ZNF273: variants seen among roughly 807,000 people sequenced by gnomAD.
The protein encoded by ZNF273 is zinc finger protein 273.
Under a neutral mutation model 14.9 loss-of-function variants are expected in ZNF273, and 11 were observed. The ratio of observed to expected loss-of-function variants is 0.74; its 90% CI spans 0.46 to 1.22. The LOEUF (loss-of-function observed/expected upper bound fraction) is 1.22, where lower values mean the gene tolerates loss of function less well. ZNF273 is among the 50% of genes most tolerant of loss of function. ZNF273 has a pLI of 0.00. For synonymous variants in ZNF273, 199 were observed against 223.9 expected (o/e 0.89, Z 0.99); for missense variants, 577 against 660.6 (o/e 0.87, Z 1.39).
chr7:64,936,298 A>C, the ZNF273 span, among the ~76,000 whole-genome samples: 7 of 152,242 alleles, frequency 4.6e-5, no homozygotes, highest in Non-Finnish European at 1.0e-4. Flanking sequence ...TTCAGTAAGT[A>C]TCTAGTCATG....
chr7:64,905,088 TGA>T (rs1241284956), intron 1 of ZNF273, among the ~76,000 whole-genome samples: 3 of 148,130 alleles, frequency 2.0e-5, no homozygotes, highest in African/African-American at 7.5e-5. Context: ...GTCGTGGGGC[TGA>T]GAGGCATCTC....
intron 3 of ZNF273, among the ~76,000 whole-genome samples, chr7:64,923,169 G>A (rs2129096204): frequency 1.3e-5 from 2 of 151,932 alleles, no homozygotes; most frequent in South Asian, 4.2e-4. Context: ...TTTTCTAGGA[G>A]TGTAACTGCA....
At position 64,928,587 on chromosome 7, in the gene ZNF273, A is replaced by G. The variant is rs1313707781; in HGVS notation, c.1259A>G (p.His420Arg). 1 of 1,613,586 alleles carries G rather than the reference A, an allele frequency of 6.2e-7. No homozygotes were observed. Among genetic ancestry groups the G allele is most frequent in the Non-Finnish European group, 8.5e-7 (1 of 1,179,844 alleles). ...AFKRSTTLTK[H>R]KRIYTKEKPY... is the part of the protein sequence containing the mutation. Reference sequence around the variant, plus strand: ...AAACGGTCCACAACTCTTACTAAACATAAGAGAATTTATACTAAAGAGAAA... The same window carrying G: ...AAACGGTCCACAACTCTTACTAAACGTAAGAGAATTTATACTAAAGAGAAA... The change falls in exon 4 of 4, where the codon CAT becomes CGT. Residue 420 changes from histidine to arginine, a missense_variant. Transcript: ENST00000476120.
downstream of ZNF273, among the ~76,000 whole-genome samples, chr7:64,884,006 A>G (rs1791433568): frequency 6.6e-6 from 1 of 152,172 alleles, no homozygotes; most frequent in African/African-American, 2.4e-5. Context: ...CTTCTATAGG[A>G]TTGCAGCATG....
At chr7:64,914,180 G>GTTTTTTTTTT (rs1793773323) in intron 1 of ZNF273, among the ~76,000 whole-genome samples, 1 of 63,072 alleles carries the variant, frequency 1.6e-5, no homozygotes, top group South Asian at 5.7e-4. Flanking sequence ...GGTAATTTTT[G>GTTTTTTTTTT]TATTTTTTTT....
chr7:64,921,695 G>A lies in ZNF273; in HGVS notation c.325+3403G>A, dbSNP rs536736089. 7.1e-5 allele frequency among the ~76,000 whole-genome samples: 9 copies of A among 127,166 alleles called. 1 individual carries two copies. The highest frequency in any genetic ancestry group is 6.1e-4 in the Admixed American group (6 of 9,870). 83.4% of individuals were successfully genotyped at this position (127,166 alleles called of 152,430 possible). On this transcript the variant is annotated intron_variant, in intron 3 of 3. Transcript: ENST00000476120. ...GGCTGGAGTACAATGGCACGATCTC[G>A]GCTCACTGCAATCTCCGCCTCCCAG...
At chr7:64,920,233 G>A (rs557140434) in intron 3 of ZNF273, among the ~76,000 whole-genome samples, 80 of 152,316 alleles carry the variant, frequency 5.3e-4, no homozygotes, top group Non-Finnish European at 9.0e-4. Flanking sequence ...TTTTTGGACA[G>A]ACTGAATCTT....
intron 3 of ZNF273, chr7:64,923,394 G>A: frequency 2.2e-6 from 1 of 454,976 alleles, no homozygotes; most frequent in South Asian, 1.6e-5. Context: ...AGGTTGGAGT[G>A]CAGTGGCGTG....
chr7:64,928,530 C>A lies in ZNF273; in HGVS notation c.1202C>A (p.Pro401His), dbSNP rs751608273. 26 of 1,613,840 alleles carry A rather than the reference C, an allele frequency of 1.6e-5. No individual in the cohort carries two copies. Among genetic ancestry groups the A allele is most frequent in the Non-Finnish European group, 2.2e-5 (26 of 1,179,904 alleles). ...AAGATAGTTCATACTGGAGAGAAAC[C>A]CTACAAATGTGAAGAATGTGGTAAA... is the stretch of plus-strand genomic sequence containing the variant. ...RHKIVHTGEK[P>H]YKCEECGKAF... Residue 401 changes from proline (P) to histidine (H), a missense_variant, in exon 4 of 4, where the codon CCC (proline) becomes CAC (histidine). Pro to His is a moderately conservative substitution (Grantham distance 77). Around this residue, in one of 3 missense-constraint regions of ZNF273, gnomAD observed 411 missense variants for 440.4 expected, o/e 0.93. Transcript: ENST00000476120.
downstream of ZNF273, chr7:64,889,481 C>A: frequency 4.1e-6 from 4 of 985,936 alleles, no homozygotes; most frequent in Non-Finnish European, 4.8e-6. The surrounding 1 kb of genome is among the most constrained non-coding windows in gnomAD (Gnocchi z 4.2). Context: ...CCGCGGGACG[C>A]CAGGTTCCCG....
chr7:64,882,227 G>A (rs980043163), downstream of ZNF273, among the ~76,000 whole-genome samples: 3 of 152,196 alleles, frequency 2.0e-5, no homozygotes, highest in Non-Finnish European at 2.9e-5. Context: ...CCTGGGACCC[G>A]ATTCCTGCAC....
chr7:64,896,748 C>G (rs901614263), intron 3 of ZNF273, among the ~76,000 whole-genome samples: 1 of 151,816 alleles, frequency 6.6e-6, no homozygotes, highest in Admixed American at 6.6e-5. Context: ...GCTCATGACC[C>G]AAATCAAGCT....
At chr7:64,927,565 G>A in intron 3 of ZNF273, 89 bp from the exon 4 acceptor site, 7 of 1,149,368 alleles carry the variant, frequency 6.1e-6, no homozygotes, top group Middle Eastern at 2.0e-4. Flanking sequence ...TCTTCCTTAT[G>A]TAGTTTGTAT....
At chr7:64,901,867 T>A (rs1792740542), upstream of ZNF273, among the ~76,000 whole-genome samples, 1 of 152,028 alleles carries the variant, frequency 6.6e-6, no homozygotes, top group African/African-American at 2.4e-5. Context: ...GGAGAATCGC[T>A]TGAACCCGGA....
intron 3 of ZNF273, among the ~76,000 whole-genome samples, chr7:64,924,678 G>A (rs1298562280): frequency 2.0e-5 from 3 of 152,070 alleles, no homozygotes; most frequent in African/African-American, 4.8e-5. Flanking sequence ...CTATTTTGAC[G>A]TCTGCTGCTC....
At chr7:64,914,099 C>T (rs1202668516) in intron 1 of ZNF273, among the ~76,000 whole-genome samples, 1 of 151,482 alleles carries the variant, frequency 6.6e-6, no homozygotes, top group Non-Finnish European at 1.5e-5. Flanking sequence ...CCTCTGCCTC[C>T]TGGGTTCAAG....
downstream of ZNF273, among the ~76,000 whole-genome samples, chr7:64,883,220 C>CCCCG (rs1355378472): frequency 3.7e-4 from 54 of 145,826 alleles, 3 homozygotes; most frequent in South Asian, 4.1e-3. Flanking sequence ...CACCACCCCC[C>CCCCG]CCTCACCAAG....
chr7:64,914,165 G>A (rs573426392), intron 1 of ZNF273, among the ~76,000 whole-genome samples: 73 of 139,578 alleles, frequency 5.2e-4, no homozygotes, highest in African/African-American at 1.7e-3. Context: ...GCACCACTAC[G>A]TCCTGGTAAT....
chr7:64,922,030 T>G (rs1794501075), intron 3 of ZNF273, among the ~76,000 whole-genome samples: 1 of 152,194 alleles, frequency 6.6e-6, no homozygotes, highest in African/African-American at 2.4e-5. Flanking sequence ...TAGGTTACTT[T>G]CAGCCTATTT....
Sources: allele counts gnomAD v4.1 joint callset (sites outside exome capture counted in the v4.1 genomes callset), GRCh38; gene constraint gnomAD v4.1.1; regional missense constraint gnomAD v4.1.1; non-coding constraint Gnocchi (gnomAD v3.1); transcripts MANE v1.5; gene names NCBI Gene and HGNC (gene_info 2026-07-23, HGNC 2026-07-21).